MBP: variants seen among roughly 807,000 people sequenced by gnomAD.
MBP encodes myelin basic protein.
Under a neutral mutation model 35.8 loss-of-function variants are expected in MBP, and 16 were observed. That is an observed-to-expected ratio of 0.45 (90% confidence interval 0.30 to 0.68). The LOEUF (loss-of-function observed/expected upper bound fraction) is 0.68. Ranked by LOEUF, MBP falls within the 30% of genes least tolerant of loss-of-function variation. MBP has a pLI of 0.08. For synonymous variants in MBP, 143 were observed against 159.6 expected (o/e 0.90, Z 0.78); for missense variants, 380 against 404.7 (o/e 0.94, Z 0.52).
chr18:77,054,439 G>T (rs1270701542), intron 3 of MBP, among the ~76,000 whole-genome samples: 3 of 152,218 alleles, frequency 2.0e-5, no homozygotes, highest in African/African-American at 7.2e-5. Flanking sequence ...GATGTGGTTG[G>T]AGAGGCCCCT....
chr18:77,067,444 T>C (rs1291684894), intron 2 of MBP, among the ~76,000 whole-genome samples: 1 of 152,234 alleles, frequency 6.6e-6, no homozygotes, highest in African/African-American at 2.4e-5. Context: ...CCCGCTAGCA[T>C]TTCAGTTACT....
chr18:77,126,520 T>C (rs1026500652), intron 1 of MBP, among the ~76,000 whole-genome samples: 2 of 152,178 alleles, frequency 1.3e-5, no homozygotes, highest in Admixed American at 1.3e-4. Flanking sequence ...AATATAGCAC[T>C]GGACATTCTA....
intron 1 of MBP, among the ~76,000 whole-genome samples, chr18:77,106,591 C>T (rs764307558): frequency 3.3e-5 from 5 of 151,924 alleles, no homozygotes; most frequent in African/African-American, 4.8e-5. Context: ...GTGAGGGGCT[C>T]GTGCAGGGAG....
intron 2 of MBP, among the ~76,000 whole-genome samples, chr18:77,088,684 C>G (rs566322164): frequency 2.8e-4 from 42 of 152,108 alleles, no homozygotes; most frequent in Non-Finnish European, 2.9e-4. Flanking sequence ...TATAATAATA[C>G]AAAAGATCAG....
chr18:77,107,898 A>C (rs1385836856), intron 1 of MBP, among the ~76,000 whole-genome samples: 2 of 152,216 alleles, frequency 1.3e-5, no homozygotes, highest in Non-Finnish European at 2.9e-5. Context: ...TATATGAATC[A>C]CTGAGGGTTG....
chr18:77,057,411 T>C (rs1029240288), intron 3 of MBP, among the ~76,000 whole-genome samples: 31 of 152,194 alleles, frequency 2.0e-4, no homozygotes, highest in African/African-American at 7.2e-4. Flanking sequence ...AGATGCTATT[T>C]CACAAAATGG....
chr18:77,086,741 C>G (rs941710556), intron 2 of MBP, among the ~76,000 whole-genome samples: 25 of 152,226 alleles, frequency 1.6e-4, no homozygotes, highest in African/African-American at 6.0e-4. Context: ...CATAAAAAAC[C>G]GATTTTCTTT....
chr18:77,070,306 A>T (rs1047968945), intron 2 of MBP, among the ~76,000 whole-genome samples: 6 of 152,332 alleles, frequency 3.9e-5, no homozygotes, highest in South Asian at 2.1e-4. Flanking sequence ...ATTTCAAGCA[A>T]GGGTGCCTCC....
intron 4 of MBP, chr18:77,014,365 C>G (rs888493042): frequency 3.0e-6 from 3 of 985,340 alleles, no homozygotes; most frequent in Non-Finnish European, 3.6e-6. Context: ...CATGGGGGGG[C>G]TCCACTCAGA....
chr18:76,991,090 A>C (rs1969882805), intron 4 of MBP, among the ~76,000 whole-genome samples: 2 of 152,230 alleles, frequency 1.3e-5, no homozygotes, highest in Non-Finnish European at 2.9e-5. Context: ...CAACAGCATG[A>C]GGCAGGCAGC....
At chr18:76,997,310 G>T (rs560039869) in intron 4 of MBP, among the ~76,000 whole-genome samples, 2 of 152,342 alleles carry the variant, frequency 1.3e-5, no homozygotes, top group East Asian at 3.9e-4. Context: ...AGAGCTTGCT[G>T]CAGGGAGCTG....
At position 77,058,025 on chromosome 18, in the gene MBP, G is replaced by C. The variant is rs1973812883; in HGVS notation, c.139+8273C>G. ...GTATTTTTTTTTTTAATAGAGACGG[G>C]GTTTCACCGTGTTAGCCAGGATGGT... On this transcript the variant is annotated intron_variant, in intron 3 of 8. Coordinates refer to ENST00000355994, the MANE Select transcript of MBP (RefSeq NM_001025101.2). Among the ~76,000 whole-genome samples, 2 of 23,264 alleles carry C rather than the reference G, an allele frequency of 8.6e-5. 1 individual carries two copies. Among genetic ancestry groups the C allele is most frequent in the South Asian group, 3.5e-3 (2 of 574 alleles). The allele number at this position is 23,264 out of a possible 152,430, so 15.3% of individuals were successfully genotyped here.
At chr18:77,037,155 A>AGACAGAGCTGAGCAAGTGCTGGTCACG (rs1568306210) in intron 3 of MBP, among the ~76,000 whole-genome samples, 1 of 140,202 alleles carries the variant, frequency 7.1e-6, no homozygotes, top group African/African-American at 2.7e-5. Context: ...TGCTGATCAC[A>AGACAGAGCTGAGCAAGTGCTGGTCACG]TTTTGGAGAC....
At position 77,013,693 on chromosome 18, in the gene MBP, C is replaced by G. The variant is rs1971470008; in HGVS notation, c.576+3139G>C. The G allele has an allele frequency of 3.0e-6, 3 of 985,406 alleles. No individual in the cohort carries two copies. The South Asian group carries it at 1.4e-4, about 46-fold the overall frequency. The allele number at this position is 985,406 out of a possible 1,614,324, so 61.0% of individuals were successfully genotyped here. On this transcript the variant is annotated intron_variant, in intron 4 of 8. Transcript: ENST00000355994. Reference sequence around the variant, plus strand: ...TTTTCACATAAAACAGAAAAATAGACAAAATCATCGGTAAGAAGCTAGCTT... The same window carrying G: ...TTTTCACATAAAACAGAAAAATAGAGAAAATCATCGGTAAGAAGCTAGCTT...
In MBP at chr18:76,988,803, T is replaced by C. The variant is rs937997163; in HGVS notation, c.717+74A>G. ...TGGTAGCTCGGAGCCTAACTCTCTCTTTGGTACATTATGGGATTTTAGAGA... is the reference window on the plus strand; with the variant it reads ...TGGTAGCTCGGAGCCTAACTCTCTCCTTGGTACATTATGGGATTTTAGAGA... On this transcript the variant is annotated intron_variant, in intron 6 of 8. Transcript: ENST00000355994. This position sits in a 1 kb window ranked among gnomAD's most constrained non-coding sequence, Gnocchi z 5.2. 6.6e-7 allele frequency: 1 copy of C among 1,515,182 alleles called. No individual in the cohort carries two copies. The highest frequency in any genetic ancestry group is 9.0e-7 in the Non-Finnish European group (1 of 1,107,884). The allele number at this position is 1,515,182 out of a possible 1,614,324, so 93.9% of individuals were successfully genotyped here. A position where few individuals can be genotyped will look rare whatever the true frequency, so the allele number is the denominator to read the frequency against.
rs544873766 is a variant in MBP at position 77,024,601 on chromosome 18, C to T, written c.140-7333G>A. Reference sequence around the variant, plus strand: ...GGGACCGCCTTCCACAAGCCCCAGGCCCTCGTGCTCTGCAGTTTCCTTGGA... The same window carrying T: ...GGGACCGCCTTCCACAAGCCCCAGGTCCTCGTGCTCTGCAGTTTCCTTGGA... On this transcript the variant is annotated intron_variant, in intron 3 of 8. Transcript: ENST00000355994. Among the ~76,000 whole-genome samples the T allele has an allele frequency of 1.3e-3, 199 of 152,324 alleles. 1 individual carries two copies. Among genetic ancestry groups the T allele is most frequent in the African/African-American group, 4.5e-3 (187 of 41,582 alleles).
chr18:76,988,798 C>G lies in MBP; in HGVS notation c.717+79G>C. 1 of 1,497,818 alleles carries G rather than the reference C, an allele frequency of 6.7e-7. No homozygotes were observed. Among genetic ancestry groups the G allele is most frequent in the Non-Finnish European group, 9.1e-7 (1 of 1,096,124 alleles). The allele number at this position is 1,497,818 out of a possible 1,614,324, so 92.8% of individuals were successfully genotyped here. ...GATTCTGGTAGCTCGGAGCCTAACT[C>G]TCTCTTTGGTACATTATGGGATTTT... On this transcript the variant is annotated intron_variant, in intron 6 of 8. Coordinates refer to ENST00000355994, the MANE Select transcript of MBP (RefSeq NM_001025101.2). The surrounding 1 kb of genome is among the most constrained non-coding windows in gnomAD (Gnocchi z 5.2).
chr18:77,132,134 C>G (rs1977300781), intron 1 of MBP, among the ~76,000 whole-genome samples: 2 of 152,270 alleles, frequency 1.3e-5, no homozygotes, highest in South Asian at 4.1e-4. Context: ...TTTTGACCGC[C>G]GTCCCCTCCC....
chr18:76,998,243 C>T (rs1970425485), intron 4 of MBP, among the ~76,000 whole-genome samples: 1 of 152,224 alleles, frequency 6.6e-6, no homozygotes, highest in Non-Finnish European at 1.5e-5. Context: ...GCCTCCTGTG[C>T]ATGGAGCCTG....
Sources: allele counts gnomAD v4.1 joint callset (sites outside exome capture counted in the v4.1 genomes callset), GRCh38; gene constraint gnomAD v4.1.1; non-coding constraint Gnocchi (gnomAD v3.1); transcripts MANE v1.5; gene names NCBI Gene and HGNC (gene_info 2026-07-23, HGNC 2026-07-21).